GPR141: variants seen among roughly 807,000 people sequenced by gnomAD.
The protein encoded by GPR141 is G protein-coupled receptor 141, also known as probable G protein-coupled receptor 141.
GPR141 carries 6 observed loss-of-function variants against 6.8 expected under a neutral mutation model. That is an observed-to-expected ratio of 0.88 (90% confidence interval 0.48 to 1.74). GPR141 has a LOEUF of 1.74. Ranked by LOEUF, GPR141 falls within the 40% of genes most tolerant of loss-of-function variation. The probability of loss-of-function intolerance (pLI) is 0.01; values close to 1 mark genes in which losing one functional copy is unlikely to be tolerated. For synonymous variants in GPR141, 140 were observed against 142.3 expected (o/e 0.98, Z 0.11); for missense variants, 372 against 372.9 (o/e 1.00, Z 0.02).
At chr7:37,696,089 T>C (rs1332347463) in intron 2 of GPR141, among the ~76,000 whole-genome samples, 1 of 152,230 alleles carries the variant, frequency 6.6e-6, no homozygotes, top group Non-Finnish European at 1.5e-5. Context: ...TAAACAATGG[T>C]TGACTTATAA....
chr7:37,719,812 C>G (rs1036620621), intron 2 of GPR141, among the ~76,000 whole-genome samples: 5 of 152,110 alleles, frequency 3.3e-5, no homozygotes, highest in Non-Finnish European at 5.9e-5. Context: ...CCTTCGACTC[C>G]TGTGAGATAC....
chr7:37,712,368 A>G (rs997519771), intron 2 of GPR141, among the ~76,000 whole-genome samples: 6 of 152,182 alleles, frequency 3.9e-5, no homozygotes, highest in African/African-American at 1.4e-4. Context: ...TAAGGGACCC[A>G]GGGTGTGTAT....
chr7:37,739,787 C>CT (rs1812437901), intron 2 of GPR141, among the ~76,000 whole-genome samples: 1 of 152,126 alleles, frequency 6.6e-6, no homozygotes, highest in African/African-American at 2.4e-5. Flanking sequence ...AGCAAGGCCT[C>CT]ACTCACTGCT....
chr7:37,692,828 A>G (rs1007469977), intron 2 of GPR141, among the ~76,000 whole-genome samples: 16 of 152,090 alleles, frequency 1.1e-4, no homozygotes, highest in African/African-American at 3.6e-4. Flanking sequence ...TCCTTTGCCC[A>G]CTTTTTGATG....
At chr7:37,705,338 C>T (rs1057457881) in intron 2 of GPR141, among the ~76,000 whole-genome samples, 1 of 152,060 alleles carries the variant, frequency 6.6e-6, no homozygotes, top group Non-Finnish European at 1.5e-5. Context: ...ATGGTAAAAC[C>T]TATATCACTG....
At chr7:37,698,715 G>C (rs1349139816) in intron 2 of GPR141, among the ~76,000 whole-genome samples, 1 of 152,158 alleles carries the variant, frequency 6.6e-6, no homozygotes, top group Non-Finnish European at 1.5e-5. Flanking sequence ...ACAAAATTTT[G>C]CAATAGACTT....
At chr7:37,710,013 G>T (rs1810714238) in intron 2 of GPR141, among the ~76,000 whole-genome samples, 1 of 152,300 alleles carries the variant, frequency 6.6e-6, no homozygotes, top group South Asian at 2.1e-4. Context: ...TGTTCATGAA[G>T]CTCTCTCTGC....
At position 37,743,136 on chromosome 7, in the gene GPR141, A is replaced by T. The variant is rs1812650073; in HGVS notation, c.*1825A>T. Among the ~76,000 whole-genome samples the T allele has an allele frequency of 6.6e-6, 1 of 152,164 alleles. No individual in the cohort carries two copies. Among genetic ancestry groups the T allele is most frequent in the Non-Finnish European group, 1.5e-5 (1 of 68,018 alleles). On this transcript the variant is annotated 3_prime_UTR_variant, in exon 3 of 3. Transcript: ENST00000334425. ...ATGCTGCAGAAAACCTGAAGTGATT[A>T]GTAACATGAATAGAATAACAGAATG...
chr7:37,698,719 T>C (rs1810139427), intron 2 of GPR141, among the ~76,000 whole-genome samples: 1 of 152,226 alleles, frequency 6.6e-6, no homozygotes, highest in Admixed American at 6.5e-5. Context: ...AATTTTGCAA[T>C]AGACTTGTTT....
intron 2 of GPR141, among the ~76,000 whole-genome samples, chr7:37,711,532 G>A (rs921388659): frequency 3.3e-5 from 5 of 152,074 alleles, no homozygotes; most frequent in Admixed American, 1.3e-4. Flanking sequence ...CTACTACTGG[G>A]GGTTGTCAAT....
intron 2 of GPR141, among the ~76,000 whole-genome samples, chr7:37,736,721 T>C (rs1812258467): frequency 1.3e-5 from 2 of 152,184 alleles, no homozygotes; most frequent in Admixed American, 6.5e-5. Flanking sequence ...AAAGATGAAA[T>C]GAAAACATTT....
chr7:37,721,926 C>T (rs1457216630), intron 2 of GPR141, among the ~76,000 whole-genome samples: 1 of 152,086 alleles, frequency 6.6e-6, no homozygotes, highest in Non-Finnish European at 1.5e-5. Context: ...GTATATTTCA[C>T]CTACAGTGAA....
intron 2 of GPR141, among the ~76,000 whole-genome samples, chr7:37,713,985 G>A (rs1338135973): frequency 6.6e-6 from 1 of 151,866 alleles, no homozygotes; most frequent in Non-Finnish European, 1.5e-5. Context: ...AATTCACATA[G>A]TTTGGTTTGG....
intron 2 of GPR141, among the ~76,000 whole-genome samples, chr7:37,726,866 T>G (rs1364902646): frequency 6.6e-6 from 1 of 152,316 alleles, no homozygotes; most frequent in African/African-American, 2.4e-5. Flanking sequence ...GGACTCTATG[T>G]GGACTAATAT....
In GPR141 at chr7:37,741,748, C is replaced by T. The variant is rs575417113; in HGVS notation, c.*437C>T. ...TGGCCACCACCCAGCTCCAAAGACA[C>T]AAACTCTCCTTCGCTAACCAGGTTA... On this transcript the variant is annotated 3_prime_UTR_variant, in exon 3 of 3. Transcript: ENST00000334425. 3.3e-5 allele frequency among the ~76,000 whole-genome samples: 5 copies of T among 152,330 alleles called. No homozygotes were observed. In the South Asian group the frequency reaches 8.3e-4, roughly 25 times the overall value.
intron 2 of GPR141, among the ~76,000 whole-genome samples, chr7:37,691,946 T>A (rs993788590): frequency 6.6e-6 from 1 of 152,244 alleles, no homozygotes; most frequent in African/African-American, 2.4e-5. Flanking sequence ...TTAAGAATTC[T>A]CGCTGTCTTT....
chr7:37,706,441 A>C (rs947303162), intron 2 of GPR141, among the ~76,000 whole-genome samples: 5 of 152,222 alleles, frequency 3.3e-5, no homozygotes, highest in Admixed American at 1.3e-4. Flanking sequence ...AGATTCAAGA[A>C]GAAGGCTTGA....
chr7:37,712,816 G>T (rs1810867908), intron 2 of GPR141, among the ~76,000 whole-genome samples: 1 of 152,184 alleles, frequency 6.6e-6, no homozygotes, highest in Non-Finnish European at 1.5e-5. Context: ...TGTATTGGCC[G>T]AGGGTCAGCC....
At chr7:37,701,717 C>T (rs11771135) in intron 2 of GPR141, among the ~76,000 whole-genome samples, 75,774 of 151,972 alleles carry the variant, frequency 0.5, 19,267 homozygotes, top group South Asian at 0.61. Flanking sequence ...TGGAATTGTA[C>T]TTAATTTTCT....
Sources: gnomAD v4.1 joint callset for allele counts (sites outside exome capture counted in the v4.1 genomes callset) on GRCh38, gnomAD v4.1.1 for gene constraint, MANE v1.5 for transcripts, NCBI Gene and HGNC (gene_info 2026-07-23, HGNC 2026-07-21) for gene names.